Variants in GFOD1 observed in about 807,000 individuals in gnomAD.
The protein encoded by GFOD1 is Gfo/Idh/MocA-like oxidoreductase domain containing 1.
Under a neutral mutation model 25.4 loss-of-function variants are expected in GFOD1, and 9 were observed. The observed-to-expected ratio is 0.35, with a 90% confidence interval of 0.21 to 0.62. GFOD1 has a LOEUF of 0.62. Ranked by LOEUF, GFOD1 falls within the 20% of genes least tolerant of loss-of-function variation. GFOD1 has a pLI of 0.72. For synonymous variants in GFOD1, 253 were observed against 245.6 expected, an observed-to-expected ratio of 1.03 and a Z score of -0.28; for missense variants, 403 against 556.9, an observed-to-expected ratio of 0.72 and a Z score of 2.78.
chr6:13,414,223 C>T (rs950300222), intron 1 of GFOD1, among the ~76,000 whole-genome samples: 6 of 152,186 alleles, frequency 3.9e-5, no homozygotes, highest in Admixed American at 6.5e-5. Flanking sequence ...AAAGCATGGG[C>T]CCTGTTCCTT....
chr6:13,364,479 C>T lies in GFOD1; in HGVS notation c.*264G>A. ...CAGCAGAGGCAGCTAAACCAAACCA[C>T]TCTCGTGCAAATACCCAGCAGGGAT... On this transcript the variant is annotated 3_prime_UTR_variant, in exon 2 of 2. Transcript: ENST00000379287. This position sits in a 1 kb window ranked among gnomAD's most constrained non-coding sequence, Gnocchi z 4.1. 2 of 500,186 alleles carry T rather than the reference C, an allele frequency of 4.0e-6. No individual in the cohort carries two copies. Among genetic ancestry groups the T allele is most frequent in the Non-Finnish European group, 7.2e-6 (2 of 278,984 alleles). 31.0% of individuals were successfully genotyped at this position (500,186 alleles called of 1,614,324 possible).
chr6:13,360,332 C>T lies in GFOD1; in HGVS notation c.*4411G>A, dbSNP rs926468746. The T allele has an allele frequency of 7.5e-6, 2 of 266,032 alleles. No individual in the cohort carries two copies. The highest frequency in any genetic ancestry group is 1.0e-4 in the Admixed American group (2 of 19,822). 16.5% of individuals were successfully genotyped at this position (266,032 alleles called of 1,614,324 possible). A position where few individuals can be genotyped will look rare whatever the true frequency, so the allele number is the denominator to read the frequency against. On this transcript the variant is annotated 3_prime_UTR_variant, in exon 2 of 2. Coordinates refer to ENST00000379287, the MANE Select transcript of GFOD1 (RefSeq NM_018988.4). ...CCCACCAGAATGCAAGAGATCAGAT[C>T]AGAAACCCAACTTATGATCACAGGC...
chr6:13,393,773 T>C (rs1423333235), intron 1 of GFOD1, among the ~76,000 whole-genome samples: 1 of 116,358 alleles, frequency 8.6e-6, no homozygotes, highest in Admixed American at 1.0e-4. Flanking sequence ...AATTTCTTTT[T>C]TCTTTTCTTT....
At chr6:13,372,992 T>C (rs913609197) in intron 1 of GFOD1, among the ~76,000 whole-genome samples, 6 of 152,250 alleles carry the variant, frequency 3.9e-5, no homozygotes, top group African/African-American at 1.4e-4. Context: ...CTTCCTATTT[T>C]TTCCTCGCAT....
chr6:13,456,838 A>G (rs1758198581), intron 1 of GFOD1, among the ~76,000 whole-genome samples: 2 of 152,168 alleles, frequency 1.3e-5, no homozygotes, highest in Non-Finnish European at 2.9e-5. Flanking sequence ...TCACAGGGAC[A>G]TTACTGAGTA....
chr6:13,453,736 A>C (rs547027753), intron 1 of GFOD1, among the ~76,000 whole-genome samples: 1 of 152,366 alleles, frequency 6.6e-6, no homozygotes, highest in African/African-American at 2.4e-5. Context: ...CCTGTCAACC[A>C]TATTTTAAAA....
chr6:13,414,801 A>G (rs1786137389), intron 1 of GFOD1, among the ~76,000 whole-genome samples: 1 of 152,240 alleles, frequency 6.6e-6, no homozygotes, highest in African/African-American at 2.4e-5. Flanking sequence ...CAGATTATGT[A>G]GCTCAAAGTA....
intron 1 of GFOD1, among the ~76,000 whole-genome samples, chr6:13,387,266 C>G (rs1360390237): frequency 6.6e-6 from 1 of 152,104 alleles, no homozygotes; most frequent in African/African-American, 2.4e-5. Flanking sequence ...TTTTCATAGT[C>G]AAGGGAATGT....
chr6:13,416,342 T>C (rs1279987571), intron 1 of GFOD1, among the ~76,000 whole-genome samples: 2 of 151,770 alleles, frequency 1.3e-5, no homozygotes, highest in Non-Finnish European at 3.0e-5. Context: ...CAGAAAACAA[T>C]TAAAGAAAGG....
chr6:13,449,561 A>C (rs1758059998), intron 1 of GFOD1, among the ~76,000 whole-genome samples: 2 of 152,240 alleles, frequency 1.3e-5, no homozygotes, highest in Non-Finnish European at 2.9e-5. Flanking sequence ...CTCATCTTGA[A>C]TTGCAGTTCC....
intron 1 of GFOD1, among the ~76,000 whole-genome samples, chr6:13,425,264 A>G (rs943670022): frequency 6.6e-6 from 1 of 152,166 alleles, no homozygotes; most frequent in African/African-American, 2.4e-5. Context: ...CTGGCCTAAC[A>G]CATTTATTTC....
chr6:13,364,527 C>T lies in GFOD1; in HGVS notation c.*216G>A. 1.7e-6 allele frequency: 1 copy of T among 580,318 alleles called. No individual in the cohort carries two copies. The highest frequency in any genetic ancestry group is 3.1e-6 in the Non-Finnish European group (1 of 325,716). 35.9% of individuals were successfully genotyped at this position (580,318 alleles called of 1,614,324 possible). The stretch of plus-strand genomic sequence containing the variant: ...GATCATCCCAGGAATGGCAGGCTCT[C>T]CTGAATGCTTCCAGGCTAGGAGCTC... On this transcript the variant is annotated 3_prime_UTR_variant, in exon 2 of 2. Transcript: ENST00000379287. The surrounding 1 kb of genome is among the most constrained non-coding windows in gnomAD (Gnocchi z 4.1).
At position 13,487,037 on chromosome 6, in the gene GFOD1, G is replaced by T. The variant is rs1384144256; in HGVS notation, c.-147C>A. On this transcript the variant is annotated 5_prime_UTR_variant, in exon 1 of 2. Coordinates refer to ENST00000379287, the MANE Select transcript of GFOD1 (RefSeq NM_018988.4). The surrounding 1 kb of genome is among the most constrained non-coding windows in gnomAD (Gnocchi z 4.9). ...CGCCGTGCACCGGGCAAGGCGCCCG[G>T]GTGCCCAGAGCGCACCGAGCTGCAG... 27 of 980,406 alleles carry T rather than the reference G, an allele frequency of 2.8e-5. No individual in the cohort carries two copies. In the Middle Eastern group the frequency reaches 1.0e-3, roughly 36 times the overall value. 60.7% of individuals were successfully genotyped at this position (980,406 alleles called of 1,614,324 possible). A position where few individuals can be genotyped will look rare whatever the true frequency, so the allele number is the denominator to read the frequency against.
At position 13,478,298 on chromosome 6, in the gene GFOD1, C is replaced by T. The variant is rs549841088; in HGVS notation, c.253+8340G>A. Among the ~76,000 whole-genome samples the T allele has an allele frequency of 2.9e-4, 44 of 152,176 alleles. No homozygotes were observed. The East Asian group carries it at 8.5e-3, about 30-fold the overall frequency. The stretch of plus-strand genomic sequence containing the variant: ...GGGATTACAGGTGCACAACACCACT[C>T]CCAGCTAATTTTTATATTTTTAGTA... On this transcript the variant is annotated intron_variant, in intron 1 of 1. Coordinates refer to ENST00000379287, the MANE Select transcript of GFOD1 (RefSeq NM_018988.4).
intron 1 of GFOD1, among the ~76,000 whole-genome samples, chr6:13,394,641 AT>A (rs36042262): frequency 2.0e-5 from 3 of 146,862 alleles, no homozygotes; most frequent in African/African-American, 5.0e-5. Flanking sequence ...TACTTGGCTA[AT>A]TTTTTTTTTT....
intron 1 of GFOD1, among the ~76,000 whole-genome samples, chr6:13,374,273 T>TTTGTGTGTG (rs1554199406): frequency 2.3e-4 from 31 of 134,416 alleles, no homozygotes; most frequent in African/African-American, 8.7e-4. Context: ...TGTTTTTTTT[T>TTTGTGTGTG]TGTGTGTGTG....
At chr6:13,387,978 C>G (rs1220288839) in intron 1 of GFOD1, among the ~76,000 whole-genome samples, 1 of 152,150 alleles carries the variant, frequency 6.6e-6, no homozygotes, top group Non-Finnish European at 1.5e-5. Flanking sequence ...CAATAACAGA[C>G]AGAGAGCTAA....
intron 1 of GFOD1, among the ~76,000 whole-genome samples, chr6:13,449,498 T>C (rs914749810): frequency 3.9e-5 from 6 of 152,200 alleles, no homozygotes; most frequent in African/African-American, 7.2e-5. Context: ...TCAAAGCTCA[T>C]AGAAACTCTA....
At chr6:13,446,913 G>T (rs950619329) in intron 1 of GFOD1, among the ~76,000 whole-genome samples, 2 of 152,176 alleles carry the variant, frequency 1.3e-5, no homozygotes, top group African/African-American at 2.4e-5. Flanking sequence ...AAACAGAGAT[G>T]GTTTCCCCAA....
Sources: allele counts gnomAD v4.1 joint callset (sites outside exome capture counted in the v4.1 genomes callset), GRCh38; gene constraint gnomAD v4.1.1; non-coding constraint Gnocchi (gnomAD v3.1); transcripts MANE v1.5; gene names NCBI Gene and HGNC (gene_info 2026-07-23, HGNC 2026-07-21).